The following KIF20A variants were observed in gnomAD, a reference collection of about 807,000 sequenced individuals.
The protein encoded by KIF20A is kinesin family member 20A.
Under a neutral mutation model 113.0 loss-of-function variants are expected in KIF20A, and 66 were observed. The observed-to-expected ratio is 0.58, with a 90% CI of 0.48 to 0.72. The LOEUF (loss-of-function observed/expected upper bound fraction) is 0.72. Among genes scored for constraint, KIF20A ranks in the 30% least tolerant of loss-of-function variants. KIF20A has a pLI of 0.00. For missense variants in KIF20A, 927 were observed against 1,077.6 expected (o/e 0.86, Z 1.96); for synonymous variants, 376 against 402.3 (o/e 0.93, Z 0.78).
At chr5:138,180,304 T>A (rs991882090) in intron 2 of KIF20A, among the ~76,000 whole-genome samples, 2 of 152,200 alleles carry the variant, frequency 1.3e-5, no homozygotes, top group Non-Finnish European at 2.9e-5. Flanking sequence ...TATTGACATT[T>A]GGGGCTAGAC....
At chr5:138,181,206 C>A (rs962312437) in intron 2 of KIF20A, among the ~76,000 whole-genome samples, 1 of 152,232 alleles carries the variant, frequency 6.6e-6, no homozygotes, top group Non-Finnish European at 1.5e-5. Flanking sequence ...TGGCAAGCCA[C>A]ATTTGCAGGA....
intron 16 of KIF20A, 94 bp downstream of exon 16, chr5:138,185,804 C>G: frequency 7.0e-7 from 1 of 1,424,510 alleles, no homozygotes; most frequent in African/African-American, 1.4e-5. Flanking sequence ...AACATAATTT[C>G]CTAAACTGCA....
chr5:138,183,045 C>T lies in KIF20A; in HGVS notation c.832+55C>T. On this transcript the variant is annotated intron_variant, in intron 7 of 18. Transcript: ENST00000394894. The surrounding 1 kb of genome is among the most constrained non-coding windows in gnomAD (Gnocchi z 5.2). ...AATAGTAGGAACTCACTCCCTGTTCCTAATAGCTGCCAGGAGTACAGACCA... is the reference window on the plus strand; with the variant it reads ...AATAGTAGGAACTCACTCCCTGTTCTTAATAGCTGCCAGGAGTACAGACCA... The T allele has an allele frequency of 6.2e-7, 1 of 1,611,432 alleles. No individual in the cohort carries two copies. Among genetic ancestry groups the T allele is most frequent in the South Asian group, 1.1e-5 (1 of 90,874 alleles).
At position 138,187,227 on chromosome 5, in the gene KIF20A, C is replaced by G. The variant is rs1754759764; in HGVS notation, c.2487C>G (p.Arg829=). The change falls in exon 19 of 19, where the codon CGC becomes CGG. Residue 829 remains arginine (R), a synonymous_variant. Transcript: ENST00000394894. ...AAGGCCAGGTTTCTGCCAAAAAGCG[C>G]CTTGGTACCAACCAGGAAAATCAGC... ...KLQGQVSAKK[R]LGTNQENQQP... 6.2e-7 allele frequency: 1 copy of G among 1,614,040 alleles called. No homozygotes were observed. The highest frequency in any genetic ancestry group is 8.5e-7 in the Non-Finnish European group (1 of 1,180,048).
intron 15 of KIF20A, 80 bp downstream of exon 15, chr5:138,185,277 C>T (rs142923588): frequency 1.6e-5 from 16 of 989,826 alleles, no homozygotes; most frequent in East Asian, 1.4e-4. Flanking sequence ...ATTTTATAAA[C>T]TACTCCAGTA....
rs756187494 is a variant in KIF20A, at chr5:138,185,609, G to A, written c.2024G>A (p.Arg675Gln). 4.1e-5 allele frequency: 66 copies of A among 1,614,044 alleles called. No homozygotes were observed. The highest frequency in any genetic ancestry group is 5.5e-5 in the Non-Finnish European group (65 of 1,180,018). ...CAATCAGGGTCTGAATTGGCCCTAC[G>A]GCGGTCACAAAGGTTGGCAGCTTCT... ...HQQSGSELAL[R>Q]RSQRLAASAS... The change falls in exon 16 of 19, where the codon CGG (arginine) becomes CAG (glutamine). Residue 675 changes from arginine (R) to glutamine (Q), a missense_variant. Transcript: ENST00000394894.
Position 138,184,199 on chromosome 5 carries a change from T to G in KIF20A, c.1353-40T>G, listed in dbSNP as rs377592231. 3 of 1,611,486 alleles carry G rather than the reference T, an allele frequency of 1.9e-6. No homozygotes were observed. In the Admixed American group the frequency reaches 5.0e-5, roughly 27 times the overall value. ...GGTGCTAGGATACCCAAAGGGCTGG[T>G]GTTCTGCTCACAGCTCTATTATCTC... is the stretch of plus-strand genomic sequence containing the variant. On this transcript the variant is annotated intron_variant, in intron 11 of 18. Transcript: ENST00000394894.
Position 138,184,070 on chromosome 5 carries a change from C to G in KIF20A, c.1317C>G (p.Arg439=), listed in dbSNP as rs747381072. The G allele has an allele frequency of 6.2e-7, 1 of 1,614,170 alleles. No homozygotes were observed. The highest frequency in any genetic ancestry group is 8.5e-7 in the Non-Finnish European group (1 of 1,180,032). The change falls in exon 11 of 19, where the codon CGC becomes CGG. Residue 439 remains arginine (R), a synonymous_variant. Transcript: ENST00000394894. ...ACACCTCTCTACACACCCTGGGCCGCTGTATTGCTGCCCTTCGTCAAAACC... is the reference window on the plus strand; with the variant it reads ...ACACCTCTCTACACACCCTGGGCCGGTGTATTGCTGCCCTTCGTCAAAACC... The part of the protein sequence containing the change: ...NINTSLHTLG[R]CIAALRQNQQ...
rs778206749 is a variant in KIF20A at position 138,181,505 on chromosome 5, A to G, written c.249A>G (p.Glu83=). The G allele has an allele frequency of 1.9e-6, 3 of 1,614,166 alleles. No homozygotes were observed. The South Asian group carries it at 3.3e-5, about 18-fold the overall frequency. ...PLLPSELERQ[E]DQGCVRIENV... ...TACCTTCAGAGTTGGAACGACAGGA[A>G]GATCAGGTAAGTGTCTGAGAAGGGA... Residue 83 remains glutamate (E), a synonymous_variant, in exon 3 of 19, where the codon GAA becomes GAG. Transcript: ENST00000394894.
chr5:138,187,108 G>A lies in KIF20A; in HGVS notation c.2368G>A (p.Ala790Thr). ...TGATCTTCCTTAGGACCAGACTCTG[G>A]CTGAACTGCAGAACAACATGGTGCT... is the stretch of plus-strand genomic sequence containing the variant. ...DILIKQDQTL[A>T]ELQNNMVLVK... Residue 790 changes from alanine to threonine, a missense_variant, in exon 19 of 19, where the codon GCT becomes ACT. Ala to Thr is a moderately conservative substitution (Grantham distance 58). Coordinates refer to ENST00000394894, the MANE Select transcript of KIF20A (RefSeq NM_005733.3). 1.2e-6 allele frequency: 2 copies of A among 1,609,254 alleles called. No homozygotes were observed. The highest frequency in any genetic ancestry group is 1.7e-6 in the Non-Finnish European group (2 of 1,176,402).
chr5:138,181,054 T>C (rs1425024361), intron 2 of KIF20A, among the ~76,000 whole-genome samples: 2 of 152,250 alleles, frequency 1.3e-5, no homozygotes, highest in African/African-American at 4.8e-5. Context: ...AGGCCAAGAA[T>C]TTCAAGAACT....
chr5:138,183,839 A>G lies in KIF20A; in HGVS notation c.1208+83A>G, dbSNP rs1475335330. The G allele has an allele frequency of 1.3e-6, 2 of 1,554,882 alleles. No homozygotes were observed. Among genetic ancestry groups the G allele is most frequent in the African/African-American group, 1.4e-5 (1 of 73,404 alleles). The stretch of plus-strand genomic sequence containing the variant: ...CATGGAGGAGGTCCTCAGGGGAACT[A>G]TGTGTTCTCCTTCTTTGGGTACAGA... On this transcript the variant is annotated intron_variant, in intron 10 of 18. Transcript: ENST00000394894. This position sits in a 1 kb window ranked among gnomAD's most constrained non-coding sequence, Gnocchi z 5.2.
intron 1 of KIF20A, 191 bp from the exon 2 acceptor site, chr5:138,179,469 G>T: frequency 3.7e-6 from 2 of 539,100 alleles, no homozygotes; most frequent in Non-Finnish European, 6.7e-6. Flanking sequence ...CAGAAATGCC[G>T]CCTCAAACTT....
chr5:138,183,390 T>C lies in KIF20A; in HGVS notation c.1027+27T>C. ...TAAAGGAACATGGGGAAAGCTGGCA[T>C]GAACCCTGGAGGGCAACTGGGGAGA... On this transcript the variant is annotated intron_variant, in intron 8 of 18. Transcript: ENST00000394894. This position sits in a 1 kb window ranked among gnomAD's most constrained non-coding sequence, Gnocchi z 5.2. The C allele has an allele frequency of 6.2e-7, 1 of 1,613,756 alleles. No homozygotes were observed. The highest frequency in any genetic ancestry group is 8.5e-7 in the Non-Finnish European group (1 of 1,179,684).
At position 138,183,032 on chromosome 5, in the gene KIF20A, T is replaced by C; in HGVS notation, c.832+42T>C. The C allele has an allele frequency of 6.2e-7, 1 of 1,612,144 alleles. No individual in the cohort carries two copies. The highest frequency in any genetic ancestry group is 1.1e-5 in the South Asian group (1 of 90,984). Reference sequence around the variant, plus strand: ...GGCTCTGCCAAAAAATAGTAGGAACTCACTCCCTGTTCCTAATAGCTGCCA... The same window carrying C: ...GGCTCTGCCAAAAAATAGTAGGAACCCACTCCCTGTTCCTAATAGCTGCCA... On this transcript the variant is annotated intron_variant, in intron 7 of 18. Coordinates refer to ENST00000394894, the MANE Select transcript of KIF20A (RefSeq NM_005733.3). The surrounding 1 kb of genome is among the most constrained non-coding windows in gnomAD (Gnocchi z 5.2).
In KIF20A at chr5:138,179,832, A is replaced by G. The variant is rs1486448690; in HGVS notation, c.152A>G (p.Glu51Gly). Residue 51 changes from glutamate to glycine, a missense_variant, in exon 2 of 19, where the codon GAG becomes GGG. By Grantham distance (98) the Glu-to-Gly change is moderately conservative. Coordinates refer to ENST00000394894, the MANE Select transcript of KIF20A (RefSeq NM_005733.3). ...TGCTCTGTCGTCTCTACCTCCCTAG[A>G]GGACAAGCAGCAGGTAAAGGAACTG... ...SDCSVVSTSL[E>G]DKQQVPSEDS... is the part of the protein sequence containing the mutation. 6.2e-7 allele frequency: 1 copy of G among 1,614,036 alleles called. No individual in the cohort carries two copies.
At chr5:138,182,301 A>G (rs1215287226) in intron 4 of KIF20A, 22 bp from the exon 5 acceptor site, 3 of 1,607,606 alleles carry the variant, frequency 1.9e-6, no homozygotes, top group African/African-American at 1.3e-5. Context: ...AGAGGCCTCT[A>G]AAAAACTGGG....
At chr5:138,182,071 G>A (rs1359019126) in intron 4 of KIF20A, among the ~76,000 whole-genome samples, 1 of 152,118 alleles carries the variant, frequency 6.6e-6, no homozygotes, top group African/African-American at 2.4e-5. Context: ...CCATTATATT[G>A]CCCCATTGTG....
intron 18 of KIF20A, 69 bp from the exon 19 acceptor site, chr5:138,187,027 C>A: frequency 1.7e-6 from 2 of 1,184,136 alleles, no homozygotes; most frequent in Non-Finnish European, 2.4e-6. Flanking sequence ...TATGTATTAC[C>A]CTTAGCCCTC....
Sources: gnomAD v4.1 joint callset for allele counts (sites outside exome capture counted in the v4.1 genomes callset) on GRCh38, gnomAD v4.1.1 for gene constraint, Gnocchi (gnomAD v3.1) non-coding constraint, MANE v1.5 for transcripts, NCBI Gene and HGNC (gene_info 2026-07-23, HGNC 2026-07-21) for gene names.